The following ZMYM2 variants were observed in gnomAD, a reference collection of about 807,000 sequenced individuals.
ZMYM2 encodes the protein zinc finger MYM-type protein 2.
Under a neutral mutation model 162.8 loss-of-function variants are expected in ZMYM2, and 56 were observed. The ratio of observed to expected loss-of-function variants is 0.34; its 90% confidence interval spans 0.28 to 0.43. The LOEUF (loss-of-function observed/expected upper bound fraction) is 0.43. Among genes scored for constraint, ZMYM2 ranks in the 20% least tolerant of loss-of-function variants. ZMYM2 has a pLI of 1.00. For synonymous variants in ZMYM2, 510 were observed against 541.6 expected, an observed-to-expected ratio of 0.94 and a Z score of 0.81; for missense variants, 1,275 against 1,621.8, an observed-to-expected ratio of 0.79 and a Z score of 3.67.
At chr13:19,960,393 C>G (rs1240040814) in intron 2 of ZMYM2, among the ~76,000 whole-genome samples, 1 of 152,182 alleles carries the variant, frequency 6.6e-6, no homozygotes, top group African/African-American at 2.4e-5. Flanking sequence ...TGCATGCAAC[C>G]TGAACATTTT....
intron 6 of ZMYM2, among the ~76,000 whole-genome samples, chr13:20,009,609 C>G (rs943832702): frequency 1.2e-4 from 18 of 152,214 alleles, no homozygotes; most frequent in Non-Finnish European, 4.4e-5. Context: ...CTTTCTGTCT[C>G]TATGAATTCG....
intron 21 of ZMYM2, among the ~76,000 whole-genome samples, chr13:20,076,778 A>G (rs1484133111): frequency 6.6e-6 from 1 of 150,592 alleles, no homozygotes; most frequent in Admixed American, 6.6e-5. Flanking sequence ...ATTAAAATAC[A>G]TAGAGGATTT....
At chr13:19,909,679 T>C in the ZMYM2 span, among the ~76,000 whole-genome samples, 5 of 151,970 alleles carry the variant, frequency 3.3e-5, no homozygotes, top group South Asian at 1.0e-3. Context: ...GTGATCCGCC[T>C]GCCTTGGCCT....
At chr13:20,074,834 G>A (rs961608072) in intron 21 of ZMYM2, among the ~76,000 whole-genome samples, 4 of 152,066 alleles carry the variant, frequency 2.6e-5, no homozygotes, top group African/African-American at 9.7e-5. Context: ...CACTGCGCCC[G>A]GCCTTCCTTC....
At position 19,965,131 on chromosome 13, in the gene ZMYM2, A is replaced by G. The variant is rs547210734; in HGVS notation, c.-11+5105A>G. ...TACTTACATAGCTATTCTAAGTAAC[A>G]TTGGGATGCACAGTTAGAAGTTGCA... is the stretch of plus-strand genomic sequence containing the variant. On this transcript the variant is annotated intron_variant, in intron 2 of 24. Coordinates refer to ENST00000610343, the MANE Select transcript of ZMYM2 (RefSeq NM_197968.4). 1.4e-4 allele frequency: 90 copies of G among 660,180 alleles called. No homozygotes were observed. The African/African-American group carries it at 1.4e-3, about 10-fold the overall frequency. The allele number at this position is 660,180 out of a possible 1,614,324, so 40.9% of individuals were successfully genotyped here.
At chr13:20,083,185 C>T (rs1958022211) in intron 23 of ZMYM2, among the ~76,000 whole-genome samples, 153 bp downstream of exon 23, 2 of 152,218 alleles carry the variant, frequency 1.3e-5, no homozygotes, top group Admixed American at 1.3e-4. Context: ...CCCTCAGCCT[C>T]CTGAGTGGCT....
chr13:19,980,406 T>C (rs1957210664), intron 2 of ZMYM2, among the ~76,000 whole-genome samples: 1 of 152,130 alleles, frequency 6.6e-6, no homozygotes, highest in Non-Finnish European at 1.5e-5. Flanking sequence ...GTTTTATTTA[T>C]TGTAGCTTCA....
chr13:20,043,537 C>CAGGTCT (rs1245713370), intron 12 of ZMYM2, among the ~76,000 whole-genome samples: 2 of 151,882 alleles, frequency 1.3e-5, no homozygotes, highest in Non-Finnish European at 2.9e-5. Context: ...CTGGCAGGTG[C>CAGGTCT]AGGTCTTTGT....
intron 4 of ZMYM2, among the ~76,000 whole-genome samples, chr13:20,004,566 T>G (rs115887507): frequency 1.9e-3 from 297 of 152,358 alleles, no homozygotes; most frequent in African/African-American, 6.9e-3. Context: ...TATTGTCATT[T>G]TCTAATATTT....
chr13:19,970,317 A>G (rs548274356), intron 2 of ZMYM2, among the ~76,000 whole-genome samples: 2 of 152,290 alleles, frequency 1.3e-5, no homozygotes, highest in South Asian at 4.1e-4. Context: ...GGTAAAGGGG[A>G]TCACAGGGAT....
intron 14 of ZMYM2, among the ~76,000 whole-genome samples, chr13:20,054,440 C>T (rs867923454): frequency 3.9e-5 from 6 of 152,282 alleles, no homozygotes; most frequent in Non-Finnish European, 7.4e-5. Flanking sequence ...GCCTCAGTTT[C>T]CTCCTATGTA....
intron 11 of ZMYM2, among the ~76,000 whole-genome samples, chr13:20,034,690 A>T (rs1194242010): frequency 6.6e-6 from 1 of 152,182 alleles, no homozygotes; most frequent in Non-Finnish European, 1.5e-5. Flanking sequence ...TGTGGTCTGA[A>T]AGTTGGTTTT....
chr13:19,888,822 C>T, the ZMYM2 span, among the ~76,000 whole-genome samples: 3 of 151,930 alleles, frequency 2.0e-5, no homozygotes, highest in South Asian at 2.1e-4. Context: ...TGGTCTCAAA[C>T]TCCTGACCTG....
At chr13:19,985,719 A>G (rs966051739) in intron 2 of ZMYM2, among the ~76,000 whole-genome samples, 3 of 150,796 alleles carry the variant, frequency 2.0e-5, no homozygotes, top group African/African-American at 7.3e-5. Flanking sequence ...AAAAAAAAAA[A>G]GAAAAATTTG....
intron 22 of ZMYM2, 115 bp from the exon 23 acceptor site, chr13:20,082,666 T>G (rs1957986911): frequency 2.2e-6 from 2 of 892,582 alleles, no homozygotes; most frequent in East Asian, 2.7e-5. Context: ...GTTGATCTAA[T>G]ATGAAAGGAG....
chr13:19,915,451 C>A, the ZMYM2 span, among the ~76,000 whole-genome samples: 2 of 151,186 alleles, frequency 1.3e-5, no homozygotes, highest in South Asian at 2.1e-4. Flanking sequence ...TCCTTTCTTT[C>A]TTTCTCTTAC....
At chr13:19,874,553 T>C in the ZMYM2 span, among the ~76,000 whole-genome samples, 4 of 152,198 alleles carry the variant, frequency 2.6e-5, no homozygotes, top group Admixed American at 6.5e-5. Context: ...TTCACTTCCA[T>C]GGTCACATTG....
the ZMYM2 span, among the ~76,000 whole-genome samples, chr13:19,939,181 G>A: frequency 1.4e-4 from 21 of 151,482 alleles, no homozygotes; most frequent in East Asian, 3.9e-4. Flanking sequence ...CTGCCACCAC[G>A]CCCAGCTAAT....
At chr13:19,911,286 T>G in the ZMYM2 span, among the ~76,000 whole-genome samples, 1 of 152,080 alleles carries the variant, frequency 6.6e-6, no homozygotes, top group Non-Finnish European at 1.5e-5. Flanking sequence ...CTGGAACTCC[T>G]GACCTCAAGT....
Sources: allele counts gnomAD v4.1 joint callset (sites outside exome capture counted in the v4.1 genomes callset), GRCh38; gene constraint gnomAD v4.1.1; transcripts MANE v1.5; gene names NCBI Gene and HGNC (gene_info 2026-07-23, HGNC 2026-07-21).